KCNQ5: variants seen among roughly 807,000 people sequenced by gnomAD.
KCNQ5 encodes potassium voltage-gated channel subfamily KQT member 5.
KCNQ5 carries 30 observed loss-of-function variants against 98.2 expected under a neutral mutation model. The ratio of observed to expected loss-of-function variants is 0.31; its 90% CI spans 0.23 to 0.41. The LOEUF (loss-of-function observed/expected upper bound fraction) is 0.41. Ranked by LOEUF, KCNQ5 falls within the 10% of genes least tolerant of loss-of-function variation. KCNQ5 has a pLI of 1.00. For missense variants in KCNQ5, 835 were observed against 1,182.5 expected (o/e 0.71, Z 4.31); for synonymous variants, 458 against 449.4 (o/e 1.02, Z -0.24).
chr6:73,152,543 A>G (rs903890995), intron 10 of KCNQ5, among the ~76,000 whole-genome samples: 1 of 152,216 alleles, frequency 6.6e-6, no homozygotes, highest in African/African-American at 2.4e-5. Context: ...CTGTGAAGAT[A>G]TTAATGACAA....
chr6:72,668,318 G>A (rs970539070), intron 1 of KCNQ5, among the ~76,000 whole-genome samples: 4 of 152,198 alleles, frequency 2.6e-5, no homozygotes, highest in Admixed American at 6.5e-5. Context: ...TCAACTCTGT[G>A]TTAAGCATTG....
chr6:72,797,690 T>C (rs768227893), intron 1 of KCNQ5, among the ~76,000 whole-genome samples: 2 of 152,160 alleles, frequency 1.3e-5, no homozygotes, highest in Non-Finnish European at 2.9e-5. Context: ...TAAGAAACTT[T>C]ATTGGATTTT....
At chr6:73,033,987 C>A (rs1298477408) in intron 2 of KCNQ5, among the ~76,000 whole-genome samples, 1 of 152,154 alleles carries the variant, frequency 6.6e-6, no homozygotes, top group Non-Finnish European at 1.5e-5. Context: ...AGTTAGTAAG[C>A]ATGTTTTTAG....
intron 5 of KCNQ5, among the ~76,000 whole-genome samples, chr6:73,085,335 A>T (rs1773941059): frequency 6.6e-6 from 1 of 152,178 alleles, no homozygotes; most frequent in Non-Finnish European, 1.5e-5. Flanking sequence ...TGCACGCTCC[A>T]GGCAAAAAAC....
At chr6:72,792,057 T>C (rs1264808790) in intron 1 of KCNQ5, among the ~76,000 whole-genome samples, 1 of 152,212 alleles carries the variant, frequency 6.6e-6, no homozygotes, top group Non-Finnish European at 1.5e-5. Context: ...GTAAACTTCT[T>C]TGGATGCCAT....
chr6:72,806,539 A>T (rs1259795475), intron 1 of KCNQ5, among the ~76,000 whole-genome samples: 3 of 152,206 alleles, frequency 2.0e-5, no homozygotes, highest in Non-Finnish European at 4.4e-5. Context: ...AGAGACAAAA[A>T]ATAGCAACAG....
intron 1 of KCNQ5, among the ~76,000 whole-genome samples, chr6:72,871,060 G>A (rs148098928): frequency 6.6e-5 from 10 of 152,242 alleles, no homozygotes; most frequent in Non-Finnish European, 1.3e-4. Context: ...AGTGACTGAT[G>A]CTTTTCATAC....
intron 1 of KCNQ5, among the ~76,000 whole-genome samples, chr6:72,933,387 C>T (rs1765772334): frequency 6.6e-6 from 1 of 152,174 alleles, no homozygotes; most frequent in Non-Finnish European, 1.5e-5. Context: ...TGTCGGGATG[C>T]CATCCATAAT....
rs551893923 is a variant in KCNQ5 at position 73,120,276 on chromosome 6, T to G, written c.1126-207T>G. On this transcript the variant is annotated intron_variant, in intron 7 of 13. Coordinates refer to ENST00000370398, the MANE Select transcript of KCNQ5 (RefSeq NM_019842.4). ...AAATAAATAATAAAATAAAATAAAA[T>G]AAAAGAAGTTCTGATGTGGTGCAAT... is the stretch of plus-strand genomic sequence containing the variant. 2.5e-3 allele frequency among the ~76,000 whole-genome samples: 387 copies of G among 151,970 alleles called. 1 individual carries two copies. Among genetic ancestry groups the G allele is most frequent in the African/African-American group, 8.4e-3 (347 of 41,474 alleles).
chr6:73,079,780 T>C (rs550301167), intron 5 of KCNQ5, among the ~76,000 whole-genome samples: 2 of 152,298 alleles, frequency 1.3e-5, no homozygotes, highest in African/African-American at 4.8e-5. Flanking sequence ...TTAAAATACT[T>C]TTTATATGTA....
chr6:72,759,874 A>T (rs557790173), intron 1 of KCNQ5, among the ~76,000 whole-genome samples: 4 of 152,126 alleles, frequency 2.6e-5, no homozygotes, highest in African/African-American at 9.7e-5. Context: ...ACACACACAC[A>T]TTCACACACA....
intron 1 of KCNQ5, among the ~76,000 whole-genome samples, chr6:72,639,553 T>C (rs2098926075): frequency 6.6e-6 from 1 of 152,130 alleles, no homozygotes; most frequent in Non-Finnish European, 1.5e-5. Flanking sequence ...AAAGTATCAC[T>C]GTATAACTAG....
intron 1 of KCNQ5, among the ~76,000 whole-genome samples, chr6:72,853,058 A>G (rs1241199634): frequency 6.6e-6 from 1 of 152,130 alleles, no homozygotes; most frequent in African/African-American, 2.4e-5. Context: ...TTATTAAATA[A>G]TTAGTAGCAC....
At chr6:72,898,367 T>A (rs1283013288) in intron 1 of KCNQ5, among the ~76,000 whole-genome samples, 1 of 152,092 alleles carries the variant, frequency 6.6e-6, no homozygotes, top group Non-Finnish European at 1.5e-5. Context: ...GTTGTTCCCC[T>A]CTCTGTGTCC....
At chr6:72,811,075 A>G (rs1775219119) in intron 1 of KCNQ5, among the ~76,000 whole-genome samples, 1 of 152,212 alleles carries the variant, frequency 6.6e-6, no homozygotes, top group African/African-American at 2.4e-5. Flanking sequence ...TGCACATGGC[A>G]TTGCTCAAGC....
At chr6:73,030,138 A>G (rs1771074567) in intron 2 of KCNQ5, among the ~76,000 whole-genome samples, 1 of 152,204 alleles carries the variant, frequency 6.6e-6, no homozygotes, top group African/African-American at 2.4e-5. Context: ...TCAAAGCAGC[A>G]GAAAACTTTA....
intron 1 of KCNQ5, among the ~76,000 whole-genome samples, chr6:72,934,051 T>C (rs1765797789): frequency 2.0e-5 from 3 of 152,156 alleles, no homozygotes; most frequent in Admixed American, 2.0e-4. Context: ...CAAAGGGAGA[T>C]GCTATCTGTA....
chr6:73,035,924 T>C (rs1562139944), intron 2 of KCNQ5, among the ~76,000 whole-genome samples: 1 of 151,914 alleles, frequency 6.6e-6, no homozygotes, highest in East Asian at 1.9e-4. Flanking sequence ...ACAACCAGGA[T>C]AATAATATTG....
chr6:73,074,353 A>G lies in KCNQ5; in HGVS notation c.617-2969A>G, dbSNP rs555936674. Reference sequence around the variant, plus strand: ...TAACCCAACCAGAAACATTTTTGTGACTGCACTCACTGTTTGCCATTTGGT... The same window carrying G: ...TAACCCAACCAGAAACATTTTTGTGGCTGCACTCACTGTTTGCCATTTGGT... On this transcript the variant is annotated intron_variant, in intron 3 of 13. Coordinates refer to ENST00000370398, the MANE Select transcript of KCNQ5 (RefSeq NM_019842.4). Among the ~76,000 whole-genome samples the G allele has an allele frequency of 1.8e-4, 27 of 152,338 alleles. No individual in the cohort carries two copies. The South Asian group carries it at 5.6e-3, about 32-fold the overall frequency.
Sources: gnomAD v4.1 joint callset for allele counts (sites outside exome capture counted in the v4.1 genomes callset) on GRCh38, gnomAD v4.1.1 for gene constraint, MANE v1.5 for transcripts, NCBI Gene and HGNC (gene_info 2026-07-23, HGNC 2026-07-21) for gene names.